The following GRID1 variants were observed in gnomAD, a reference collection of about 807,000 sequenced individuals.
GRID1 encodes glutamate receptor ionotropic, delta-1.
In GRID1, 28 loss-of-function variants were observed where a neutral mutation model predicts 98.0. The observed-to-expected ratio is 0.29, with a 90% CI of 0.21 to 0.39. The LOEUF (loss-of-function observed/expected upper bound fraction) is 0.39, where lower values mean the gene tolerates loss of function less well. Ranked by LOEUF, GRID1 falls within the 10% of genes least tolerant of loss-of-function variation. The pLI is 1.00. For synonymous variants in GRID1, 553 were observed against 538.5 expected (o/e 1.03, Z -0.37); for missense variants, 1,111 against 1,340.5 (o/e 0.83, Z 2.67).
chr10:86,223,741 A>T (rs2132031134), intron 2 of GRID1, among the ~76,000 whole-genome samples: 1 of 152,330 alleles, frequency 6.6e-6, no homozygotes, highest in East Asian at 1.9e-4. Flanking sequence ...CCAAGAAGTG[A>T]CTGAGGTAGC....
At chr10:86,240,035 C>A (rs544624505) in intron 2 of GRID1, among the ~76,000 whole-genome samples, 275 of 152,294 alleles carry the variant, frequency 1.8e-3, no homozygotes, top group African/African-American at 6.3e-3. Flanking sequence ...AGACAGCCAT[C>A]TACAATCTAA....
intron 8 of GRID1, among the ~76,000 whole-genome samples, chr10:85,832,171 G>A (rs1201798513): frequency 1.3e-5 from 2 of 152,130 alleles, no homozygotes; most frequent in African/African-American, 4.8e-5. Flanking sequence ...ATACTAGCAT[G>A]TGTGTGTAAA....
intron 12 of GRID1, among the ~76,000 whole-genome samples, chr10:85,651,336 C>T (rs754235248): frequency 2.0e-5 from 3 of 152,216 alleles, no homozygotes; most frequent in Non-Finnish European, 4.4e-5. Flanking sequence ...AGAGTAGTCA[C>T]ACCCAGATGG....
intron 2 of GRID1, among the ~76,000 whole-genome samples, chr10:86,362,759 C>T (rs7084928): frequency 0.26 from 39,109 of 152,156 alleles, 5,533 homozygotes; most frequent in South Asian, 0.47. Flanking sequence ...GCATCCTGTC[C>T]TTGCAGGCAC....
intron 4 of GRID1, among the ~76,000 whole-genome samples, chr10:86,107,829 G>A (rs1408750105): frequency 2.6e-5 from 4 of 152,140 alleles, no homozygotes; most frequent in Non-Finnish European, 4.4e-5. Flanking sequence ...AGGGCACTCA[G>A]AGGAGAACCC....
intron 3 of GRID1, among the ~76,000 whole-genome samples, chr10:86,163,568 T>C (rs1161299632): frequency 1.3e-5 from 2 of 152,156 alleles, no homozygotes; most frequent in African/African-American, 4.8e-5. Flanking sequence ...GTTAAGCCAG[T>C]GATGAAGACT....
intron 12 of GRID1, among the ~76,000 whole-genome samples, chr10:85,659,505 A>C (rs1005905400): frequency 6.6e-6 from 1 of 152,158 alleles, no homozygotes; most frequent in Non-Finnish European, 1.5e-5. Flanking sequence ...AGCAGTCAGC[A>C]CTCATGGTGC....
intron 2 of GRID1, among the ~76,000 whole-genome samples, chr10:86,339,692 C>T (rs1848283179): frequency 6.6e-6 from 1 of 152,174 alleles, no homozygotes. Flanking sequence ...GGCTGGGAGT[C>T]AGCAGACCAA....
intron 13 of GRID1, among the ~76,000 whole-genome samples, chr10:85,633,601 T>C (rs1426332797): frequency 1.3e-5 from 2 of 152,170 alleles, no homozygotes; most frequent in African/African-American, 4.8e-5. Context: ...CCAATTAATA[T>C]TAACGAACAT....
At chr10:85,934,625 A>G (rs80168102) in intron 4 of GRID1, among the ~76,000 whole-genome samples, 1,607 of 152,300 alleles carry the variant, frequency 0.011, 31 homozygotes, top group African/African-American at 0.036. Context: ...CAGTACAAAT[A>G]TGATGAAAAG....
rs1843411350 is a variant in GRID1 at position 86,045,575 on chromosome 10, G to C, written c.726+93244C>G. Among the ~76,000 whole-genome samples the C allele has an allele frequency of 5.9e-5, 9 of 152,248 alleles. No individual in the cohort carries two copies. In the South Asian group the frequency reaches 1.9e-3, roughly 32 times the overall value. ...CTTATATAATACAAGAGAAGCATAT[G>C]GGGCTCCTGAGACCCTCTGGGAGGA... On this transcript the variant is annotated intron_variant, in intron 4 of 15. Transcript: ENST00000327946.
At chr10:85,776,024 A>AT (rs1842327625) in intron 8 of GRID1, among the ~76,000 whole-genome samples, 1 of 152,128 alleles carries the variant, frequency 6.6e-6, no homozygotes. Flanking sequence ...GAAAAAAAAA[A>AT]CATACTCAAA....
chr10:85,828,036 A>G (rs1480450348), intron 8 of GRID1, among the ~76,000 whole-genome samples: 1 of 152,170 alleles, frequency 6.6e-6, no homozygotes, highest in Non-Finnish European at 1.5e-5. Context: ...ACAATCAGCT[A>G]TAAAACAATT....
rs1468024925 is a variant in GRID1, at chr10:85,885,584, G to C, written c.781-16404C>G. 2.6e-5 allele frequency among the ~76,000 whole-genome samples: 4 copies of C among 152,180 alleles called. No individual in the cohort carries two copies. The East Asian group carries it at 7.7e-4, about 29-fold the overall frequency. On this transcript the variant is annotated intron_variant, in intron 5 of 15. Coordinates refer to ENST00000327946, the MANE Select transcript of GRID1 (RefSeq NM_017551.3). ...GATAATACCAATGGGATAATTTGGAGACACAAGAGTTTCACTAACTGTCAG... is the reference window on the plus strand; with the variant it reads ...GATAATACCAATGGGATAATTTGGACACACAAGAGTTTCACTAACTGTCAG...
At chr10:85,913,954 C>T (rs1462479318) in intron 5 of GRID1, among the ~76,000 whole-genome samples, 1 of 152,168 alleles carries the variant, frequency 6.6e-6, no homozygotes, top group East Asian at 1.9e-4. Context: ...TGTGCACTGC[C>T]GGGCTGGCAC....
intron 2 of GRID1, among the ~76,000 whole-genome samples, chr10:86,248,815 C>A (rs975122750): frequency 2.0e-5 from 3 of 152,190 alleles, no homozygotes; most frequent in African/African-American, 7.2e-5. Flanking sequence ...TCCAGTGATC[C>A]ACCTGCCTTG....
intron 2 of GRID1, among the ~76,000 whole-genome samples, chr10:86,327,324 T>C (rs532148552): frequency 5.8e-4 from 88 of 152,284 alleles, no homozygotes; most frequent in Non-Finnish European, 1.1e-3. Context: ...ATATTAGTTA[T>C]CTCTACCCAG....
intron 12 of GRID1, among the ~76,000 whole-genome samples, chr10:85,719,149 T>A (rs1299668620): frequency 6.6e-6 from 1 of 152,178 alleles, no homozygotes; most frequent in East Asian, 1.9e-4. Context: ...AAGTTCCTCA[T>A]CTCCACTTGA....
Position 86,195,030 on chromosome 10 carries a change from C to T in GRID1, c.520+11334G>A, listed in dbSNP as rs1395236082. On this transcript the variant is annotated intron_variant, in intron 3 of 15. Coordinates refer to ENST00000327946, the MANE Select transcript of GRID1 (RefSeq NM_017551.3). The surrounding 1 kb of genome is among the most constrained non-coding windows in gnomAD (Gnocchi z 4.4). Reference sequence around the variant, plus strand: ...AACTGAATGGACACATGAAGCCTCACTCCGTGGGCAGCAAGGAGTGCCAGA... The same window carrying T: ...AACTGAATGGACACATGAAGCCTCATTCCGTGGGCAGCAAGGAGTGCCAGA... 6.6e-6 allele frequency among the ~76,000 whole-genome samples: 1 copy of T among 152,124 alleles called. No homozygotes were observed. The highest frequency in any genetic ancestry group is 1.5e-5 in the Non-Finnish European group (1 of 67,982).
Sources: gnomAD v4.1 joint callset for allele counts (sites outside exome capture counted in the v4.1 genomes callset) on GRCh38, gnomAD v4.1.1 for gene constraint, Gnocchi (gnomAD v3.1) non-coding constraint, MANE v1.5 for transcripts, NCBI Gene and HGNC (gene_info 2026-07-23, HGNC 2026-07-21) for gene names.